Variants in TRIM49B observed in about 807,000 individuals in gnomAD.
TRIM49B encodes putative tripartite motif-containing protein 49B.
A neutral mutation model predicts 31.8 loss-of-function variants in TRIM49B; 18 were observed. The ratio of observed to expected loss-of-function variants is 0.57; its 90% confidence interval spans 0.39 to 0.84. The LOEUF (loss-of-function observed/expected upper bound fraction) is 0.84. TRIM49B is among the 40% of genes least tolerant of loss of function. TRIM49B has a pLI of 0.00. For missense variants in TRIM49B, 494 were observed against 538.7 expected (o/e 0.92, Z 0.82); for synonymous variants, 196 against 180.6 (o/e 1.09, Z -0.68).
intron 3 of TRIM49B, among the ~76,000 whole-genome samples, chr11:49,033,422 G>A (rs1033713297): frequency 6.6e-6 from 1 of 151,994 alleles, no homozygotes; most frequent in African/African-American, 2.4e-5. Flanking sequence ...ATATATATGT[G>A]GACCATGAGT....
intron 3 of TRIM49B, among the ~76,000 whole-genome samples, chr11:49,033,067 A>G (rs1565092119): frequency 4.6e-5 from 7 of 151,734 alleles, no homozygotes. Flanking sequence ...AGCTAATATT[A>G]GTTTGTTGAA....
rs1565091631 is a variant in TRIM49B at position 49,031,799 on chromosome 11, A to G, written c.200A>G (p.Asn67Ser). 6.2e-7 allele frequency: 1 copy of G among 1,614,030 alleles called. No individual in the cohort carries two copies. The highest frequency in any genetic ancestry group is 8.5e-7 in the Non-Finnish European group (1 of 1,179,882). ...ACAGGGCAGATAAACCTCAAAACCAACATTCATTTCAAGAAGATGGCTTCT... is the reference window on the plus strand; with the variant it reads ...ACAGGGCAGATAAACCTCAAAACCAGCATTCATTTCAAGAAGATGGCTTCT... ...KSTGQINLKTNIHFKKMASLA... is the reference protein window; with the variant it reads ...KSTGQINLKTSIHFKKMASLA... The change falls in exon 2 of 7, where the codon AAC (asparagine) becomes AGC (serine). Residue 67 changes from asparagine to serine, a missense_variant. Physicochemically the swap from Asn to Ser is conservative, Grantham distance 46. This residue lies in a region of TRIM49B where 251 missense variants were observed against 232.8 expected (regional missense o/e 1.08). Transcript: ENST00000332682.
At position 49,037,679 on chromosome 11, in the gene TRIM49B, C is replaced by A. The variant is rs1854550953; in HGVS notation, c.1061C>A (p.Ala354Asp). 1.2e-6 allele frequency: 2 copies of A among 1,613,842 alleles called. No individual in the cohort carries two copies. Among genetic ancestry groups the A allele is most frequent in the Non-Finnish European group, 1.7e-6 (2 of 1,179,850 alleles). ...EVHVGDSWNW[A>D]FGVCNMYWKE... Reference sequence around the variant, plus strand: ...CATGTAGGGGACTCCTGGAATTGGGCTTTTGGTGTCTGTAATATGTATTGG... The same window carrying A: ...CATGTAGGGGACTCCTGGAATTGGGATTTTGGTGTCTGTAATATGTATTGG... The change falls in exon 7 of 7, where the codon GCT (alanine) becomes GAT (aspartate). Residue 354 changes from alanine to aspartate, a missense_variant. Transcript: ENST00000332682.
At chr11:49,034,112 C>G (rs1854488628) in intron 3 of TRIM49B, 34 bp from the exon 4 acceptor site, 1 of 1,611,030 alleles carries the variant, frequency 6.2e-7, no homozygotes, top group African/African-American at 1.3e-5. Flanking sequence ...TGGATATATA[C>G]ATTTCTCTTT....
intron 3 of TRIM49B, among the ~76,000 whole-genome samples, chr11:49,033,195 G>T (rs1369959924): frequency 6.6e-6 from 1 of 152,126 alleles, no homozygotes. Flanking sequence ...AGAGTCAAAT[G>T]GTCAATACAC....
chr11:49,029,768 C>G (rs1012763572), intron 1 of TRIM49B, among the ~76,000 whole-genome samples: 1 of 152,206 alleles, frequency 6.6e-6, no homozygotes, highest in Non-Finnish European at 1.5e-5. Context: ...TGTGCTGATA[C>G]ATTTATCGGC....
Position 49,031,798 on chromosome 11 carries a change from A to G in TRIM49B, c.199A>G (p.Asn67Asp), listed in dbSNP as rs1272121117. Residue 67 changes from asparagine (N) to aspartate (D), a missense_variant, in exon 2 of 7, where the codon AAC becomes GAC. This residue lies in a region of TRIM49B where 251 missense variants were observed against 232.8 expected (regional missense o/e 1.08). Transcript: ENST00000332682. ...AACAGGGCAGATAAACCTCAAAACC[A>G]ACATTCATTTCAAGAAGATGGCTTC... is the stretch of plus-strand genomic sequence containing the variant. ...KSTGQINLKTNIHFKKMASLA... is the reference protein window; with the variant it reads ...KSTGQINLKTDIHFKKMASLA... 1.2e-6 allele frequency: 2 copies of G among 1,613,884 alleles called. No individual in the cohort carries two copies. Among genetic ancestry groups the G allele is most frequent in the East Asian group, 4.5e-5 (2 of 44,892 alleles).
intron 3 of TRIM49B, among the ~76,000 whole-genome samples, chr11:49,033,879 G>T (rs1404311765): frequency 8.5e-5 from 13 of 152,170 alleles, no homozygotes; most frequent in African/African-American, 2.9e-4. Flanking sequence ...ATAAATATGG[G>T]TTGGAATAGC....
At position 49,035,134 on chromosome 11, in the gene TRIM49B, A is replaced by G. The variant is rs1403101363; in HGVS notation, c.761+17A>G. On this transcript the variant is annotated intron_variant, in intron 5 of 6. Transcript: ENST00000332682. ...ATTACACAGGTGAGTGTGTACCTAG[A>G]TTTTAGCATATGTTCTTTAAGATTC... 2 of 1,603,654 alleles carry G rather than the reference A, an allele frequency of 1.2e-6. No individual in the cohort carries two copies. The highest frequency in any genetic ancestry group is 1.7e-6 in the Non-Finnish European group (2 of 1,177,500).
intron 3 of TRIM49B, among the ~76,000 whole-genome samples, 183 bp from the exon 4 acceptor site, chr11:49,033,963 G>T (rs2134698342): frequency 6.6e-6 from 1 of 152,118 alleles, no homozygotes; most frequent in Middle Eastern, 3.4e-3. Flanking sequence ...TAATGTAATT[G>T]GTCAGATACA....
chr11:49,031,936 T>G lies in TRIM49B; in HGVS notation c.337T>G (p.Leu113Val). Residue 113 changes from leucine (L) to valine (V), a missense_variant, in exon 2 of 7, where the codon TTG becomes GTG. Leu to Val is a conservative substitution (Grantham distance 32). Around this residue, in one of 3 missense-constraint regions of TRIM49B, gnomAD observed 251 missense variants for 232.8 expected, o/e 1.08. Coordinates refer to ENST00000332682, the MANE Select transcript of TRIM49B (RefSeq NM_001206626.2). ...FCEVDRSLLC[L>V]LCSSSQEHRD... Reference sequence around the variant, plus strand: ...TGAAGTGGACAGGAGCCTGCTCTGTTTGCTGTGCTCCAGCTCTCAGGAGCA... The same window carrying G: ...TGAAGTGGACAGGAGCCTGCTCTGTGTGCTGTGCTCCAGCTCTCAGGAGCA... 1 of 1,612,030 alleles carries G rather than the reference T, an allele frequency of 6.2e-7. No homozygotes were observed. Among genetic ancestry groups the G allele is most frequent in the Non-Finnish European group, 8.5e-7 (1 of 1,179,838 alleles).
At chr11:49,036,028 G>A (rs1438095190) in intron 5 of TRIM49B, among the ~76,000 whole-genome samples, 3 of 150,666 alleles carry the variant, frequency 2.0e-5, no homozygotes, top group Non-Finnish European at 4.4e-5. Flanking sequence ...TCAGAATTTC[G>A]TTTCTAAATA....
intron 3 of TRIM49B, among the ~76,000 whole-genome samples, chr11:49,032,873 A>G (rs1313052153): frequency 1.3e-5 from 2 of 152,210 alleles, no homozygotes; most frequent in African/African-American, 2.4e-5. Flanking sequence ...ACTAATTAAT[A>G]TTGAAAAATA....
intron 1 of TRIM49B, among the ~76,000 whole-genome samples, chr11:49,031,233 T>C (rs3960861): frequency 3.3e-5 from 5 of 152,140 alleles, no homozygotes; most frequent in Non-Finnish European, 5.9e-5. Flanking sequence ...CACTCTTTCA[T>C]AGTCATTCAT....
At chr11:49,035,872 TAA>T in intron 5 of TRIM49B, among the ~76,000 whole-genome samples, 1 of 152,260 alleles carries the variant, frequency 6.6e-6, no homozygotes, top group East Asian at 1.9e-4. Context: ...TAGAACTGTA[TAA>T]GTCTCTAGGG....
At chr11:49,036,142 A>G (rs1193928328) in intron 5 of TRIM49B, among the ~76,000 whole-genome samples, 159 bp from the exon 6 acceptor site, 2 of 152,262 alleles carry the variant, frequency 1.3e-5, no homozygotes, top group Non-Finnish European at 2.9e-5. Context: ...TTAAAAATTT[A>G]GAAACTGTAA....
At chr11:49,034,614 C>A (rs1854496599) in intron 4 of TRIM49B, among the ~76,000 whole-genome samples, 1 of 151,986 alleles carries the variant, frequency 6.6e-6, no homozygotes, top group Non-Finnish European at 1.5e-5. Flanking sequence ...AAGGTAACAG[C>A]CCCAAGAAAT....
chr11:49,031,411 T>A (rs576083497), intron 1 of TRIM49B, among the ~76,000 whole-genome samples, 185 bp from the exon 2 acceptor site: 1 of 152,316 alleles, frequency 6.6e-6, no homozygotes, highest in South Asian at 2.1e-4. Context: ...GTTAGTAATA[T>A]CTGTTATAAA....
At chr11:49,034,743 A>C (rs1294546594) in intron 4 of TRIM49B, among the ~76,000 whole-genome samples, 4 of 152,154 alleles carry the variant, frequency 2.6e-5, no homozygotes, top group Non-Finnish European at 5.9e-5. Context: ...TTGGGAATCT[A>C]GGTTTGCATT....
Sources: allele counts gnomAD v4.1 joint callset (sites outside exome capture counted in the v4.1 genomes callset), GRCh38; gene constraint gnomAD v4.1.1; regional missense constraint gnomAD v4.1.1; transcripts MANE v1.5; gene names NCBI Gene and HGNC (gene_info 2026-07-23, HGNC 2026-07-21).